Variants in MOB3A observed in about 807,000 individuals in gnomAD.
MOB3A encodes MOB LAK.
MOB3A carries 17 observed loss-of-function variants against 17.8 expected under a neutral mutation model. The observed-to-expected ratio is 0.95, with a 90% CI of 0.65 to 1.43. The LOEUF is 1.43. Among genes scored for constraint, MOB3A ranks in the 40% most tolerant of loss-of-function variants. The pLI, the probability that MOB3A is intolerant of heterozygous loss-of-function variation, is 0.00. For synonymous variants in MOB3A, 124 were observed against 133.2 expected, an observed-to-expected ratio of 0.93 and a Z score of 0.48; for missense variants, 333 against 310.8, an observed-to-expected ratio of 1.07 and a Z score of -0.54.
At chr19:2,075,737 T>C (rs886895625) in intron 4 of MOB3A, among the ~76,000 whole-genome samples, 1 of 152,050 alleles carries the variant, frequency 6.6e-6, no homozygotes, top group African/African-American at 2.4e-5. Context: ...CCGAGGAATC[T>C]GGTCCCTGGG....
At chr19:2,083,371 A>G (rs1013898514) in intron 2 of MOB3A, among the ~76,000 whole-genome samples, 3 of 152,186 alleles carry the variant, frequency 2.0e-5, no homozygotes, top group African/African-American at 7.2e-5. Flanking sequence ...CACCTGCCCC[A>G]GTGATGAGCT....
At chr19:2,084,090 T>C (rs759407233) in intron 2 of MOB3A, 4 of 476,438 alleles carry the variant, frequency 8.4e-6, no homozygotes, top group Non-Finnish European at 1.7e-5. Flanking sequence ...TCTTTGTCTA[T>C]ATCCTTTTAA....
At position 2,073,155 on chromosome 19, in the gene MOB3A, C is replaced by G; in HGVS notation, c.*240G>C. ...AGTGGGCTTTTCCGGTTGCTAGTAA[C>G]ACATAGAATTACAGAGTTCACGTTT... On this transcript the variant is annotated 3_prime_UTR_variant, in exon 5 of 5. Coordinates refer to ENST00000357066, the MANE Select transcript of MOB3A (RefSeq NM_130807.3). The G allele has an allele frequency of 3.5e-6, 2 of 577,106 alleles. No individual in the cohort carries two copies. The highest frequency in any genetic ancestry group is 6.2e-6 in the Non-Finnish European group (2 of 324,312). 35.7% of individuals were successfully genotyped at this position (577,106 alleles called of 1,614,324 possible).
At chr19:2,081,758 C>A (rs1353157243) in intron 2 of MOB3A, among the ~76,000 whole-genome samples, 1 of 152,002 alleles carries the variant, frequency 6.6e-6, no homozygotes, top group African/African-American at 2.4e-5. Context: ...ATGGTGCATG[C>A]CTGAAATTCC....
At chr19:2,090,473 G>C (rs1160016202) in intron 1 of MOB3A, among the ~76,000 whole-genome samples, 1 of 151,984 alleles carries the variant, frequency 6.6e-6, no homozygotes, top group Non-Finnish European at 1.5e-5. Context: ...GGGAACTCCT[G>C]GCATGGAGTG....
chr19:2,086,480 C>T (rs1164713577), intron 1 of MOB3A, among the ~76,000 whole-genome samples: 2 of 151,846 alleles, frequency 1.3e-5, no homozygotes, highest in African/African-American at 4.8e-5. Flanking sequence ...CCTGGTCAGC[C>T]TCCTGTATAG....
rs763922661 is a variant in MOB3A at position 2,078,164 on chromosome 19, CGTT to C, written c.394_396del (p.Asn132del). 8.8e-6 allele frequency: 14 copies of C among 1,583,982 alleles called. No homozygotes were observed. The East Asian group carries it at 9.0e-5, about 10-fold the overall frequency. ...CCAACGTTGGTGGGGAAGAGGTCCTCGTTGTTGATCTGCGCCTCGATCCAGTCC... is the reference window on the plus strand; with the variant it reads ...CCAACGTTGGTGGGGAAGAGGTCCTCGTTGATCTGCGCCTCGATCCAGTCC... On this transcript the variant is annotated inframe_deletion, in exon 3 of 5. Coordinates refer to ENST00000357066, the MANE Select transcript of MOB3A (RefSeq NM_130807.3).
At chr19:2,074,638 C>T (rs1038328694) in intron 4 of MOB3A, among the ~76,000 whole-genome samples, 7 of 151,760 alleles carry the variant, frequency 4.6e-5, no homozygotes, top group Admixed American at 2.0e-4. Context: ...CTGCAACCTC[C>T]ACCTCCTGGG....
rs1477162362 is a variant in MOB3A, at chr19:2,071,824, G to A, written c.*1571C>T. On this transcript the variant is annotated 3_prime_UTR_variant, in exon 5 of 5. Transcript: ENST00000357066. ...TCCAGGGAGAGAAGAGTCCTGCTTG[G>A]GTTGATCATAAGCAAAGTGGACATC... 2 of 153,498 alleles carry A rather than the reference G, an allele frequency of 1.3e-5. No homozygotes were observed. The highest frequency in any genetic ancestry group is 6.5e-5 in the Admixed American group (1 of 15,292). The allele number at this position is 153,498 out of a possible 1,614,324, so 9.5% of individuals were successfully genotyped here. A position where few individuals can be genotyped will look rare whatever the true frequency, so the allele number is the denominator to read the frequency against.
intron 4 of MOB3A, among the ~76,000 whole-genome samples, chr19:2,073,878 G>C (rs2017371051): frequency 1.3e-5 from 2 of 151,946 alleles, no homozygotes; most frequent in Non-Finnish European, 2.9e-5. Flanking sequence ...TAAAAATATA[G>C]AAATTAGCCT....
chr19:2,075,175 C>T (rs1039126387), intron 4 of MOB3A, among the ~76,000 whole-genome samples: 26 of 152,182 alleles, frequency 1.7e-4, no homozygotes, highest in African/African-American at 4.3e-4. Flanking sequence ...ACCACAGGCA[C>T]GCACCACTGT....
At chr19:2,081,417 A>G (rs576087279) in intron 2 of MOB3A, among the ~76,000 whole-genome samples, 10 of 151,402 alleles carry the variant, frequency 6.6e-5, no homozygotes, top group Middle Eastern at 3.4e-3. Flanking sequence ...GTGAAACCCC[A>G]TCTCTACTAA....
rs374129247 is a variant in MOB3A at position 2,079,487 on chromosome 19, T to C, written c.-119-808A>G. On this transcript the variant is annotated intron_variant, in intron 2 of 4. Transcript: ENST00000357066. ...GAGGCAGATACGGGGGAGACGGCTG[T>C]GCGAGGATGCAGGCAGAGATGGGGG... Among the ~76,000 whole-genome samples, 982 of 152,286 alleles carry C rather than the reference T, an allele frequency of 6.4e-3. 7 individuals are homozygous for C. Among genetic ancestry groups the C allele is most frequent in the South Asian group, 0.029 (138 of 4,832 alleles).
At chr19:2,091,219 T>C (rs2017610201) in intron 1 of MOB3A, among the ~76,000 whole-genome samples, 1 of 152,092 alleles carries the variant, frequency 6.6e-6, no homozygotes, top group Non-Finnish European at 1.5e-5. Flanking sequence ...AGCCTTAAAC[T>C]TGAGCCAAAA....
intron 3 of MOB3A, 47 bp from the exon 4 acceptor site, chr19:2,077,060 T>C: frequency 2.0e-6 from 3 of 1,536,658 alleles, no homozygotes; most frequent in East Asian, 2.3e-5. Context: ...GCCAAGTCCA[T>C]GTCCAGAACC....
In MOB3A at chr19:2,072,048, G is replaced by A. The variant is rs1322983766; in HGVS notation, c.*1347C>T. The A allele has an allele frequency of 6.6e-6, 1 of 152,202 alleles. No homozygotes were observed. Among genetic ancestry groups the A allele is most frequent in the African/African-American group, 2.4e-5 (1 of 41,398 alleles). 9.4% of individuals were successfully genotyped at this position (152,202 alleles called of 1,614,324 possible). On this transcript the variant is annotated 3_prime_UTR_variant, in exon 5 of 5. Transcript: ENST00000357066. ...AAAAAAATTAGCCGGGTGTGACGGT[G>A]GGTGCCTGTAGTCCCAGCTGCTGGG...
chr19:2,089,097 G>A (rs1055237517), intron 1 of MOB3A, among the ~76,000 whole-genome samples: 12 of 152,192 alleles, frequency 7.9e-5, no homozygotes, highest in African/African-American at 2.7e-4. Flanking sequence ...GAGGCTGGCA[G>A]GGCAGGCTGA....
chr19:2,096,448 G>A, upstream of MOB3A: 1 of 158,156 alleles, frequency 6.3e-6, no homozygotes, highest in South Asian at 1.7e-4. Context: ...CGGTCCCGCG[G>A]GCTTTAAGGG....
rs767659373 is a variant in MOB3A at position 2,078,231 on chromosome 19, G to C, written c.330C>G (p.Pro110=). Residue 110 remains proline, a synonymous_variant, in exon 3 of 5, where the codon CCC becomes CCG. Transcript: ENST00000357066. ...TGTACCTGGGCGCGGAGAGTGCCGTGGGCTTCCGGAACTTATGCTCATCCT... is the reference window on the plus strand; with the variant it reads ...TGTACCTGGGCGCGGAGAGTGCCGTCGGCTTCCGGAACTTATGCTCATCCT... ...RWQDEHKFRK[P]TALSAPRYMD... 3.1e-6 allele frequency: 5 copies of C among 1,613,852 alleles called. No homozygotes were observed. The highest frequency in any genetic ancestry group is 3.4e-6 in the Non-Finnish European group (4 of 1,179,854).
Sources: gnomAD v4.1 joint callset for allele counts (sites outside exome capture counted in the v4.1 genomes callset) on GRCh38, gnomAD v4.1.1 for gene constraint, MANE v1.5 for transcripts, NCBI Gene and HGNC (gene_info 2026-07-23, HGNC 2026-07-21) for gene names.